The following AGBL4 variants were observed in gnomAD, a reference collection of about 807,000 sequenced individuals.
AGBL4 encodes cytosolic carboxypeptidase 6.
Under a neutral mutation model 66.4 loss-of-function variants are expected in AGBL4, and 58 were observed. The ratio of observed to expected loss-of-function variants is 0.87; its 90% CI spans 0.71 to 1.09. The LOEUF (loss-of-function observed/expected upper bound fraction) is 1.09. AGBL4 is among the 50% of genes least tolerant of loss of function. The pLI is 0.00. For synonymous variants in AGBL4, 234 were observed against 222.9 expected (o/e 1.05, Z -0.44); for missense variants, 579 against 631.0 (o/e 0.92, Z 0.88).
chr1:48,974,163 G>A (rs1209437901), intron 5 of AGBL4, among the ~76,000 whole-genome samples: 3 of 152,104 alleles, frequency 2.0e-5, no homozygotes, highest in Admixed American at 2.0e-4. Flanking sequence ...GGGAAAGAAG[G>A]ACGAAAGTTT....
intron 2 of AGBL4, among the ~76,000 whole-genome samples, chr1:49,809,378 A>G (rs1308159675): frequency 7.3e-6 from 1 of 137,070 alleles, no homozygotes; most frequent in South Asian, 2.2e-4. Flanking sequence ...TTCAATTCCC[A>G]CTATTCTTAA....
chr1:48,609,796 G>C (rs1645209011), intron 9 of AGBL4, among the ~76,000 whole-genome samples: 1 of 152,156 alleles, frequency 6.6e-6, no homozygotes, highest in Non-Finnish European at 1.5e-5. Context: ...GCATGCGGAT[G>C]TCTGGCCAAC....
At chr1:49,306,677 G>A (rs1052705301) in intron 3 of AGBL4, among the ~76,000 whole-genome samples, 1 of 152,184 alleles carries the variant, frequency 6.6e-6, no homozygotes, top group African/African-American at 2.4e-5. Context: ...GACACATAGG[G>A]TAGTCTCTTC....
intron 5 of AGBL4, among the ~76,000 whole-genome samples, chr1:48,966,470 A>AT (rs1356049184): frequency 6.6e-6 from 1 of 152,094 alleles, no homozygotes; most frequent in African/African-American, 2.4e-5. Flanking sequence ...AAGTTGGGAG[A>AT]TTTTTTAAGA....
In AGBL4 at chr1:48,928,752, A is replaced by G. The variant is rs554243057; in HGVS notation, c.595-61522T>C. ...CATAATTATATAGGCATAATAATAGACATAATATATATAGGCATAATAATA... is the reference window on the plus strand; with the variant it reads ...CATAATTATATAGGCATAATAATAGGCATAATATATATAGGCATAATAATA... On this transcript the variant is annotated intron_variant, in intron 5 of 13. Coordinates refer to ENST00000371839, the MANE Select transcript of AGBL4 (RefSeq NM_032785.4). 1.7e-3 allele frequency among the ~76,000 whole-genome samples: 258 copies of G among 152,302 alleles called. 1 individual carries two copies. The highest frequency in any genetic ancestry group is 5.8e-3 in the African/African-American group (242 of 41,560).
intron 4 of AGBL4, among the ~76,000 whole-genome samples, chr1:49,122,109 C>T (rs1443237962): frequency 6.6e-6 from 1 of 152,224 alleles, no homozygotes; most frequent in East Asian, 1.9e-4. Flanking sequence ...TCCAGGTACA[C>T]ACTGTCACAG....
intron 5 of AGBL4, among the ~76,000 whole-genome samples, chr1:48,922,534 T>C (rs1325925185): frequency 6.6e-6 from 1 of 152,174 alleles, no homozygotes; most frequent in Non-Finnish European, 1.5e-5. Context: ...TGGCATTCAC[T>C]CTCTCATTGC....
intron 9 of AGBL4, among the ~76,000 whole-genome samples, chr1:48,626,139 T>C (rs1645498706): frequency 6.6e-6 from 1 of 152,196 alleles, no homozygotes; most frequent in Admixed American, 6.5e-5. Context: ...AGTGGAAAAC[T>C]GTTTGAGCAG....
At chr1:49,941,076 G>A (rs1029831608) in intron 1 of AGBL4, among the ~76,000 whole-genome samples, 90 of 152,142 alleles carry the variant, frequency 5.9e-4, no homozygotes, top group African/African-American at 1.6e-3. Context: ...GGAGAAACTG[G>A]TAATCCCTAG....
intron 5 of AGBL4, among the ~76,000 whole-genome samples, chr1:48,930,026 G>A (rs1465424953): frequency 6.6e-6 from 1 of 152,058 alleles, no homozygotes; most frequent in Non-Finnish European, 1.5e-5. Context: ...TGGAGGACTG[G>A]AATCATCTAG....
At chr1:49,916,888 G>T (rs531474100) in intron 1 of AGBL4, among the ~76,000 whole-genome samples, 1 of 152,096 alleles carries the variant, frequency 6.6e-6, no homozygotes, top group African/African-American at 2.4e-5. Flanking sequence ...CGGATCTCTC[G>T]GCAGAAACCC....
chr1:48,797,929 G>C (rs1051416485), intron 6 of AGBL4, among the ~76,000 whole-genome samples: 25 of 152,182 alleles, frequency 1.6e-4, no homozygotes, highest in African/African-American at 5.5e-4. Context: ...AAATTGTGCT[G>C]CTATAAACGT....
In AGBL4 at chr1:48,908,523, A is replaced by C. The variant is rs149051854; in HGVS notation, c.595-41293T>G. Among the ~76,000 whole-genome samples, 4 of 152,332 alleles carry C rather than the reference A, an allele frequency of 2.6e-5. No homozygotes were observed. The East Asian group carries it at 7.7e-4, about 29-fold the overall frequency. ...ATGTCTTGTTTATTCCAAATTATCT[A>C]TGGGTTTATGGAAGTAAGAATATTT... On this transcript the variant is annotated intron_variant, in intron 5 of 13. Transcript: ENST00000371839.
intron 6 of AGBL4, among the ~76,000 whole-genome samples, chr1:48,837,775 C>G (rs1646718938): frequency 7.4e-6 from 1 of 135,426 alleles, no homozygotes; most frequent in Non-Finnish European, 1.6e-5. Context: ...AGAACCCTGA[C>G]TAATACAGTG....
chr1:48,793,025 A>C (rs923402440), intron 6 of AGBL4, among the ~76,000 whole-genome samples: 1 of 152,186 alleles, frequency 6.6e-6, no homozygotes, highest in Non-Finnish European at 1.5e-5. Context: ...AAGTGTCCAC[A>C]TGACGAACTC....
At chr1:49,460,120 T>G (rs941470410) in intron 3 of AGBL4, among the ~76,000 whole-genome samples, 8 of 151,470 alleles carry the variant, frequency 5.3e-5, no homozygotes, top group Non-Finnish European at 1.2e-4. Flanking sequence ...TGTAAATATC[T>G]GTTAAGTCCA....
intron 2 of AGBL4, among the ~76,000 whole-genome samples, chr1:49,815,311 T>C (rs1480005371): frequency 2.0e-5 from 3 of 152,158 alleles, no homozygotes; most frequent in Admixed American, 1.3e-4. Flanking sequence ...ACTTAACACA[T>C]TGACCTTTAG....
At chr1:49,000,649 C>A (rs918529141) in intron 5 of AGBL4, among the ~76,000 whole-genome samples, 1 of 152,098 alleles carries the variant, frequency 6.6e-6, no homozygotes, top group African/African-American at 2.4e-5. Flanking sequence ...ATAGTGAAGA[C>A]CATTTCAACT....
intron 1 of AGBL4, chr1:49,994,555 G>C (rs949584698): frequency 6.6e-6 from 1 of 152,408 alleles, no homozygotes; most frequent in Admixed American, 6.5e-5. Context: ...CTCCAGCCTG[G>C]ATGACCCAGT....
Sources: allele counts gnomAD v4.1 joint callset (sites outside exome capture counted in the v4.1 genomes callset), GRCh38; gene constraint gnomAD v4.1.1; transcripts MANE v1.5; gene names NCBI Gene and HGNC (gene_info 2026-07-23, HGNC 2026-07-21).